GPC1: variants seen among roughly 807,000 people sequenced by gnomAD.
The protein encoded by GPC1 is glypican-1.
In GPC1, 26 loss-of-function variants were observed where a neutral mutation model predicts 51.5. The observed-to-expected ratio is 0.50, with a 90% confidence interval of 0.37 to 0.70. The LOEUF is 0.70. GPC1 is among the 30% of genes least tolerant of loss of function. The pLI is 0.00. For missense variants in GPC1, 775 were observed against 800.5 expected, an observed-to-expected ratio of 0.97 and a Z score of 0.38; for synonymous variants, 380 against 348.3, an observed-to-expected ratio of 1.09 and a Z score of -1.01.
At chr2:240,463,722 G>T (rs2074236583) in intron 4 of GPC1, 1 of 575,542 alleles carries the variant, frequency 1.7e-6, no homozygotes, top group African/African-American at 1.9e-5. Context: ...TGGGGCAGCT[G>T]CCAGGGAGGG....
At chr2:240,444,378 C>G (rs954073874) in intron 1 of GPC1, among the ~76,000 whole-genome samples, 3 of 152,192 alleles carry the variant, frequency 2.0e-5, no homozygotes, top group Admixed American at 6.5e-5. Flanking sequence ...CGGGGACTCC[C>G]AAATCCAGCC....
Position 240,448,576 on chromosome 2 carries a change from C to T in GPC1, c.167-10454C>T, listed in dbSNP as rs1164170723. 6.6e-6 allele frequency among the ~76,000 whole-genome samples: 1 copy of T among 151,652 alleles called. No homozygotes were observed. Among genetic ancestry groups the T allele is most frequent in the Non-Finnish European group, 1.5e-5 (1 of 67,936 alleles). On this transcript the variant is annotated intron_variant, in intron 1 of 8. Coordinates refer to ENST00000264039, the MANE Select transcript of GPC1 (RefSeq NM_002081.3). The surrounding 1 kb of genome is among the most constrained non-coding windows in gnomAD (Gnocchi z 4.5). ...TGGGAGTCACGGAGGCAGGGGGCCC[C>T]CATTCCCACCTGCTCCAGGACCCGC...
Position 240,443,310 on chromosome 2 carries a change from G to A in GPC1, c.166+7226G>A, listed in dbSNP as rs573592457. On this transcript the variant is annotated intron_variant, in intron 1 of 8. Coordinates refer to ENST00000264039, the MANE Select transcript of GPC1 (RefSeq NM_002081.3). ...AGAGCCCTTCAGGTGGACTTTGGGC[G>A]GGGAGGCAGTGGGACTGCAGGGCGA... Among the ~76,000 whole-genome samples the A allele has an allele frequency of 1.8e-4, 28 of 152,388 alleles. No homozygotes were observed. In the South Asian group the frequency reaches 4.3e-3, roughly 24 times the overall value.
chr2:240,459,986 C>T (rs1375708561), intron 2 of GPC1, among the ~76,000 whole-genome samples: 3 of 152,062 alleles, frequency 2.0e-5, no homozygotes, highest in Non-Finnish European at 4.4e-5. Context: ...AGGGAGGGAG[C>T]GCTGAGGCTG....
intron 1 of GPC1, among the ~76,000 whole-genome samples, chr2:240,444,182 G>T (rs985496354): frequency 6.6e-6 from 1 of 152,184 alleles, no homozygotes; most frequent in African/African-American, 2.4e-5. Context: ...CAGCCCAGCC[G>T]CCACGCCCGG....
At chr2:240,446,406 A>G (rs7589322) in intron 1 of GPC1, among the ~76,000 whole-genome samples, 125,180 of 152,284 alleles carry the variant, frequency 0.82, 52,422 homozygotes, top group African/African-American at 0.94. Flanking sequence ...GTATGAGAGG[A>G]TCCACACAAG....
chr2:240,462,680 G>A, intron 3 of GPC1, 98 bp downstream of exon 3: 1 of 1,146,512 alleles, frequency 8.7e-7, no homozygotes, highest in Non-Finnish European at 1.2e-6. Flanking sequence ...TGTGCCCCTG[G>A]GCCTCTGGGC....
chr2:240,438,548 G>A (rs924310966), intron 1 of GPC1, among the ~76,000 whole-genome samples: 2 of 152,172 alleles, frequency 1.3e-5, no homozygotes, highest in African/African-American at 4.8e-5. Context: ...TCTCCAGGGG[G>A]ACCTCCTCAG....
At chr2:240,459,816 G>C (rs2074201834) in intron 2 of GPC1, among the ~76,000 whole-genome samples, 1 of 152,202 alleles carries the variant, frequency 6.6e-6, no homozygotes. Context: ...GAGAGTGGCA[G>C]CCACCCCCAG....
intron 2 of GPC1, among the ~76,000 whole-genome samples, chr2:240,461,904 C>G (rs1309639734): frequency 2.0e-5 from 3 of 152,100 alleles, no homozygotes; most frequent in Non-Finnish European, 4.4e-5. Context: ...AGCATCTGTT[C>G]TGCCCAGGGC....
At chr2:240,440,260 C>T (rs186091257) in intron 1 of GPC1, among the ~76,000 whole-genome samples, 7 of 152,354 alleles carry the variant, frequency 4.6e-5, no homozygotes, top group Admixed American at 1.3e-4. Context: ...CGGGGAAACC[C>T]GGCTTGTGGA....
At position 240,462,431 on chromosome 2, in the gene GPC1, T is replaced by A; in HGVS notation, c.566T>A (p.Leu189Gln). 6.2e-7 allele frequency: 1 copy of A among 1,605,948 alleles called. No homozygotes were observed. The highest frequency in any genetic ancestry group is 1.3e-5 in the African/African-American group (1 of 74,862). ...HPQLLLPDDY[L>Q]DCLGKQAEAL... ...CAGCTGCTGCTGCCTGATGACTACC[T>A]GGACTGCCTGGGCAAGCAGGCCGAG... Residue 189 changes from leucine (L) to glutamine (Q), a missense_variant, in exon 3 of 9, where the codon CTG becomes CAG. Coordinates refer to ENST00000264039, the MANE Select transcript of GPC1 (RefSeq NM_002081.3).
intron 1 of GPC1, among the ~76,000 whole-genome samples, chr2:240,454,163 C>G (rs2074133919): frequency 6.6e-6 from 1 of 152,172 alleles, no homozygotes. Context: ...AGCTGAGATG[C>G]CGTGGCCGGT....
In GPC1 at chr2:240,467,296, T is replaced by G. The variant is rs2074271648; in HGVS notation, c.*1006T>G. The G allele has an allele frequency of 6.6e-6, 1 of 152,340 alleles. No homozygotes were observed. The highest frequency in any genetic ancestry group is 2.4e-5 in the African/African-American group (1 of 41,468). 9.4% of individuals were successfully genotyped at this position (152,340 alleles called of 1,614,324 possible). ...ACCCCGCACTGCAGACGGGAATGCC[T>G]AGGTCCCTTCCCGACCCAGCCAGCT... On this transcript the variant is annotated 3_prime_UTR_variant, in exon 9 of 9. Transcript: ENST00000264039.
chr2:240,462,375 G>A lies in GPC1; in HGVS notation c.510G>A (p.Leu170=). ...CGCTGGCCGAGTTCTGGGCCCGCCTGCTCGAGCGCCTCTTCAAGCAGCTGC... is the reference window on the plus strand; with the variant it reads ...CGCTGGCCGAGTTCTGGGCCCGCCTACTCGAGCGCCTCTTCAAGCAGCTGC... ...EETLAEFWAR[L]LERLFKQLHP... is the part of the protein sequence containing the mutation. Residue 170 remains leucine (L), a synonymous_variant, in exon 3 of 9, where the codon CTG becomes CTA. Transcript: ENST00000264039. The A allele has an allele frequency of 6.3e-7, 1 of 1,592,968 alleles. No individual in the cohort carries two copies. Among genetic ancestry groups the A allele is most frequent in the Non-Finnish European group, 8.5e-7 (1 of 1,170,540 alleles).
At chr2:240,464,409 GTGCA>G (rs2074242604) in intron 4 of GPC1, 3 of 598,062 alleles carry the variant, frequency 5.0e-6, no homozygotes, top group Non-Finnish European at 9.1e-6. Flanking sequence ...CGTGGCACAG[GTGCA>G]CACGTGGGTG....
chr2:240,466,253 T>TC lies in GPC1; in HGVS notation c.1642dup (p.Leu548ProfsTer104). The TC allele has an allele frequency of 1.2e-6, 2 of 1,610,210 alleles. No individual in the cohort carries two copies. Among genetic ancestry groups the TC allele is most frequent in the Non-Finnish European group, 1.7e-6 (2 of 1,177,214 alleles). ...ACCTTCCTCCTGCCCCTCCTCCTCT[T>TC]CCTGGCCCTTACAGTAGCCAGGCCC... On this transcript the variant is annotated frameshift_variant, in exon 9 of 9. Transcript: ENST00000264039. LOFTEE classifies it high-confidence loss of function.
intron 3 of GPC1, 100 bp downstream of exon 3, chr2:240,462,682 C>T (rs2074227252): frequency 3.5e-5 from 40 of 1,145,972 alleles, no homozygotes; most frequent in Non-Finnish European, 4.9e-5. Context: ...TGCCCCTGGG[C>T]CTCTGGGCCA....
intron 4 of GPC1, 31 bp from the exon 5 acceptor site, chr2:240,464,585 C>G (rs564814221): frequency 6.3e-7 from 1 of 1,585,650 alleles, no homozygotes; most frequent in Admixed American, 1.7e-5. Context: ...GCGTTAACGC[C>G]TGTGTGTCCG....
Sources: allele counts gnomAD v4.1 joint callset (sites outside exome capture counted in the v4.1 genomes callset), GRCh38; gene constraint gnomAD v4.1.1; non-coding constraint Gnocchi (gnomAD v3.1); transcripts MANE v1.5; gene names NCBI Gene and HGNC (gene_info 2026-07-23, HGNC 2026-07-21).